Variants in ST3GAL4 observed in about 807,000 individuals in gnomAD.
The protein encoded by ST3GAL4 is CMP-N-acetylneuraminate-beta-galactosamide-alpha-2,3-sialyltransferase 4.
A neutral mutation model predicts 42.6 loss-of-function variants in ST3GAL4; 24 were observed. The ratio of observed to expected loss-of-function variants is 0.56; its 90% CI spans 0.41 to 0.79. The LOEUF (loss-of-function observed/expected upper bound fraction) is 0.79, where lower values mean the gene tolerates loss of function less well. ST3GAL4 is among the 30% of genes least tolerant of loss of function. The probability of loss-of-function intolerance (pLI) is 0.00; values close to 1 mark genes in which losing one functional copy is unlikely to be tolerated. For synonymous variants in ST3GAL4, 135 were observed against 163.2 expected, an observed-to-expected ratio of 0.83 and a Z score of 1.32; for missense variants, 311 against 430.8, an observed-to-expected ratio of 0.72 and a Z score of 2.46.
In ST3GAL4 at chr11:126,408,169, A is replaced by G. The variant is rs1278819890; in HGVS notation, c.412A>G (p.Ile138Val). 1.9e-6 allele frequency: 3 copies of G among 1,614,172 alleles called. 1 individual carries two copies. The highest frequency in any genetic ancestry group is 3.3e-5 in the Admixed American group (2 of 60,024). Residue 138 changes from isoleucine (I) to valine (V), a missense_variant, in exon 7 of 11, where the codon ATC (isoleucine) becomes GTC (valine). Coordinates refer to ENST00000444328, the MANE Select transcript of ST3GAL4 (RefSeq NM_001254757.2). ...GCGGAACAGCTCACTGGGAGATGCC[A>G]TCAACAAGTACGATGTGGTCATCAG... is the stretch of plus-strand genomic sequence containing the variant. ...RLRNSSLGDA[I>V]NKYDVVIRLN... is the part of the protein sequence containing the mutation.
At chr11:126,412,325 G>A (rs1484822511) in intron 9 of ST3GAL4, among the ~76,000 whole-genome samples, 2 of 152,122 alleles carry the variant, frequency 1.3e-5, no homozygotes, top group African/African-American at 4.8e-5. Flanking sequence ...AGCTCAGAGA[G>A]GGAGAAAGCT....
chr11:126,357,235 T>C (rs933565618), intron 1 of ST3GAL4, among the ~76,000 whole-genome samples: 3 of 152,088 alleles, frequency 2.0e-5, no homozygotes, highest in African/African-American at 2.4e-5. Flanking sequence ...CTGGCCCCAT[T>C]GCGCTGGGTG....
At chr11:126,413,919 C>T in intron 10 of ST3GAL4, 42 bp from the exon 11 acceptor site, 1 of 1,607,832 alleles carries the variant, frequency 6.2e-7, no homozygotes, top group Non-Finnish European at 8.5e-7. Flanking sequence ...ACAGAGAGGT[C>T]CCTGGGAGTC....
intron 10 of ST3GAL4, 81 bp downstream of exon 10, chr11:126,413,729 G>A: frequency 6.3e-7 from 1 of 1,578,770 alleles, no homozygotes; most frequent in Admixed American, 1.7e-5. Context: ...AGTGGGAGCA[G>A]TGCTGAGACC....
intron 10 of ST3GAL4, 132 bp from the exon 11 acceptor site, chr11:126,413,829 T>G (rs1954632129): frequency 1.4e-6 from 2 of 1,398,156 alleles, no homozygotes; most frequent in Admixed American, 4.1e-5. Flanking sequence ...GGCTTTGTCT[T>G]CCTTCCAAGA....
rs1213528110 is a variant in ST3GAL4 at position 126,396,340 on chromosome 11, G to T, written c.-60-9756G>T. Reference sequence around the variant, plus strand: ...TTCGGCAGGGAAGCCAGAGGAGTCCGCAGCCCGGGAGACCTGGCCTACAGC... The same window carrying T: ...TTCGGCAGGGAAGCCAGAGGAGTCCTCAGCCCGGGAGACCTGGCCTACAGC... On this transcript the variant is annotated intron_variant, in intron 1 of 10. Transcript: ENST00000444328. The surrounding 1 kb of genome is among the most constrained non-coding windows in gnomAD (Gnocchi z 5.8). Among the ~76,000 whole-genome samples the T allele has an allele frequency of 1.3e-5, 2 of 152,068 alleles. No individual in the cohort carries two copies. The highest frequency in any genetic ancestry group is 2.9e-5 in the Non-Finnish European group (2 of 68,026).
At chr11:126,401,907 T>C (rs1954013289) in intron 1 of ST3GAL4, among the ~76,000 whole-genome samples, 1 of 151,466 alleles carries the variant, frequency 6.6e-6, no homozygotes, top group African/African-American at 2.4e-5. Context: ...AGGGGTAGCT[T>C]GAGGAGGAGA....
Position 126,378,735 on chromosome 11 carries a change from T to C in ST3GAL4, c.-61+22893T>C, listed in dbSNP as rs1287805419. Among the ~76,000 whole-genome samples the C allele has an allele frequency of 1.3e-5, 2 of 152,250 alleles. No individual in the cohort carries two copies. The highest frequency in any genetic ancestry group is 2.9e-5 in the Non-Finnish European group (2 of 68,048). On this transcript the variant is annotated intron_variant, in intron 1 of 10. Coordinates refer to ENST00000444328, the MANE Select transcript of ST3GAL4 (RefSeq NM_001254757.2). This position sits in a 1 kb window ranked among gnomAD's most constrained non-coding sequence, Gnocchi z 5.3. ...ATCTGTCCAATAAGCAAGACTGTTATGTACATTATGTAGTGGATCTATTGA... is the reference window on the plus strand; with the variant it reads ...ATCTGTCCAATAAGCAAGACTGTTACGTACATTATGTAGTGGATCTATTGA...
rs539887945 is a variant in ST3GAL4 at position 126,391,015 on chromosome 11, T to C, written c.-60-15081T>C. Among the ~76,000 whole-genome samples, 3 of 152,346 alleles carry C rather than the reference T, an allele frequency of 2.0e-5. No homozygotes were observed. The highest frequency in any genetic ancestry group is 1.3e-4 in the Admixed American group (2 of 15,302). On this transcript the variant is annotated intron_variant, in intron 1 of 10. Coordinates refer to ENST00000444328, the MANE Select transcript of ST3GAL4 (RefSeq NM_001254757.2). The surrounding 1 kb of genome is among the most constrained non-coding windows in gnomAD (Gnocchi z 5.5). Reference sequence around the variant, plus strand: ...GTTGATCCATACTGGTAGCAGAATTTCCTTTCTTTTTCAGGCTGAATAATA... The same window carrying C: ...GTTGATCCATACTGGTAGCAGAATTCCCTTTCTTTTTCAGGCTGAATAATA...
At chr11:126,390,618 C>CTTTTTTTTTTGT (rs1953464254) in intron 1 of ST3GAL4, among the ~76,000 whole-genome samples, 1 of 126,686 alleles carries the variant, frequency 7.9e-6, no homozygotes, top group African/African-American at 3.2e-5. Flanking sequence ...GTGTTCTTTG[C>CTTTTTTTTTTGT]TTTTTTTTTT....
In ST3GAL4 at chr11:126,366,177, A is replaced by G. The variant is rs1395365870; in HGVS notation, c.-61+10335A>G. Among the ~76,000 whole-genome samples the G allele has an allele frequency of 2.6e-5, 4 of 152,094 alleles. No homozygotes were observed. Among genetic ancestry groups the G allele is most frequent in the African/African-American group, 4.8e-5 (2 of 41,418 alleles). On this transcript the variant is annotated intron_variant, in intron 1 of 10. Coordinates refer to ENST00000444328, the MANE Select transcript of ST3GAL4 (RefSeq NM_001254757.2). The surrounding 1 kb of genome is among the most constrained non-coding windows in gnomAD (Gnocchi z 4.2). ...CCAGGGACCTGCAAGCTGACAAACA[A>G]AGTCTATACGAGCCAGAGCTGGGGT...
In ST3GAL4 at chr11:126,396,787, C is replaced by T. The variant is rs1426234415; in HGVS notation, c.-60-9309C>T. Among the ~76,000 whole-genome samples the T allele has an allele frequency of 6.6e-6, 1 of 151,132 alleles. No individual in the cohort carries two copies. The highest frequency in any genetic ancestry group is 1.5e-5 in the Non-Finnish European group (1 of 67,862). On this transcript the variant is annotated intron_variant, in intron 1 of 10. Transcript: ENST00000444328. The surrounding 1 kb of genome is among the most constrained non-coding windows in gnomAD (Gnocchi z 5.8). ...CCAGCTCCACTCCTCACGAGCTGTA[C>T]AACCTGGGCCGGTTACTGACCCCTT...
Position 126,409,464 on chromosome 11 carries a change from G to A in ST3GAL4, c.771+53G>A. 6.2e-7 allele frequency: 1 copy of A among 1,612,242 alleles called. No individual in the cohort carries two copies. Among genetic ancestry groups the A allele is most frequent in the South Asian group, 1.1e-5 (1 of 90,978 alleles). ...CTAGGATCCTGGGCGGGAAGTAGGAGGGATGATCCTATGGGCTTAGGAAGC... is the reference window on the plus strand; with the variant it reads ...CTAGGATCCTGGGCGGGAAGTAGGAAGGATGATCCTATGGGCTTAGGAAGC... On this transcript the variant is annotated intron_variant, in intron 9 of 10. Coordinates refer to ENST00000444328, the MANE Select transcript of ST3GAL4 (RefSeq NM_001254757.2). This position sits in a 1 kb window ranked among gnomAD's most constrained non-coding sequence, Gnocchi z 4.9.
At position 126,398,403 on chromosome 11, in the gene ST3GAL4, T is replaced by C. The variant is rs1334278381; in HGVS notation, c.-60-7693T>C. On this transcript the variant is annotated intron_variant, in intron 1 of 10. Transcript: ENST00000444328. This position sits in a 1 kb window ranked among gnomAD's most constrained non-coding sequence, Gnocchi z 4.7. ...CTTCCAGACACACTCGGGTAGGGAC[T>C]TGGGCCCCCAAGGCCTCCGGCAGCC... Among the ~76,000 whole-genome samples the C allele has an allele frequency of 6.6e-6, 1 of 152,230 alleles. No homozygotes were observed. The highest frequency in any genetic ancestry group is 1.5e-5 in the Non-Finnish European group (1 of 68,036).
Position 126,363,806 on chromosome 11 carries a change from C to T in ST3GAL4, c.-61+7964C>T, listed in dbSNP as rs1180266898. The stretch of plus-strand genomic sequence containing the variant: ...GGGAGTTGGCCAACACAGTTTTCTA[C>T]TCTCAGACCCCATTGAGGTGAGCAC... On this transcript the variant is annotated intron_variant, in intron 1 of 10. Coordinates refer to ENST00000444328, the MANE Select transcript of ST3GAL4 (RefSeq NM_001254757.2). The surrounding 1 kb of genome is among the most constrained non-coding windows in gnomAD (Gnocchi z 4.6). Among the ~76,000 whole-genome samples, 1 of 152,220 alleles carries T rather than the reference C, an allele frequency of 6.6e-6. No homozygotes were observed. The highest frequency in any genetic ancestry group is 1.9e-4 in the East Asian group (1 of 5,190).
At chr11:126,390,154 C>G (rs1028177997) in intron 1 of ST3GAL4, among the ~76,000 whole-genome samples, 12 of 151,558 alleles carry the variant, frequency 7.9e-5, no homozygotes, top group Non-Finnish European at 1.5e-4. Flanking sequence ...TGCACTCCAG[C>G]CTGGGTGACA....
chr11:126,393,361 AG>A lies in ST3GAL4; in HGVS notation c.-60-12730del. On this transcript the variant is annotated intron_variant, in intron 1 of 10. Coordinates refer to ENST00000444328, the MANE Select transcript of ST3GAL4 (RefSeq NM_001254757.2). This position sits in a 1 kb window ranked among gnomAD's most constrained non-coding sequence, Gnocchi z 5.9. ...CTTGCAGGCACTGGGGCAGGATATC[AG>A]GGGGTCCAGAAGAGGTTGGGTTTAG... 1 of 152,394 alleles carries A rather than the reference AG, an allele frequency of 6.6e-6. No homozygotes were observed. The highest frequency in any genetic ancestry group is 1.5e-5 in the Non-Finnish European group (1 of 68,094). 9.4% of individuals were successfully genotyped at this position (152,394 alleles called of 1,614,324 possible).
chr11:126,367,669 A>G (rs1952484549), intron 1 of ST3GAL4, among the ~76,000 whole-genome samples: 1 of 152,188 alleles, frequency 6.6e-6, no homozygotes, highest in Non-Finnish European at 1.5e-5. Context: ...GACTCTGAAG[A>G]TCTGAGGTGC....
At chr11:126,405,589 T>G (rs746871697) in intron 1 of ST3GAL4, 31 of 172,650 alleles carry the variant, frequency 1.8e-4, no homozygotes, top group East Asian at 5.0e-4. Context: ...GCAAACCTGT[T>G]TGGCTGGATT....
Sources: allele counts gnomAD v4.1 joint callset (sites outside exome capture counted in the v4.1 genomes callset), GRCh38; gene constraint gnomAD v4.1.1; non-coding constraint Gnocchi (gnomAD v3.1); transcripts MANE v1.5; gene names NCBI Gene and HGNC (gene_info 2026-07-23, HGNC 2026-07-21).